AXDND1: variants seen among roughly 807,000 people sequenced by gnomAD.
The protein encoded by AXDND1 is axonemal dynein light chain domain containing 1.
A neutral mutation model predicts 137.5 loss-of-function variants in AXDND1; 110 were observed. The observed-to-expected ratio is 0.80, with a 90% confidence interval of 0.69 to 0.94. The LOEUF (loss-of-function observed/expected upper bound fraction) is 0.94, where lower values mean the gene tolerates loss of function less well. Ranked by LOEUF, AXDND1 falls within the 40% of genes least tolerant of loss-of-function variation. The probability of loss-of-function intolerance (pLI) is 0.00; values close to 1 mark genes in which losing one functional copy is unlikely to be tolerated. For missense variants in AXDND1, 1,191 were observed against 1,169.8 expected (o/e 1.02, Z -0.26); for synonymous variants, 414 against 399.7 (o/e 1.04, Z -0.43).
intron 6 of AXDND1, among the ~76,000 whole-genome samples, chr1:179,380,182 G>C (rs2125080957): frequency 6.6e-6 from 1 of 152,098 alleles, no homozygotes; most frequent in Middle Eastern, 3.4e-3. Context: ...CCAGGAGGCA[G>C]AGCTTGCAGT....
At chr1:179,506,656 G>C (rs1015658378) in intron 20 of AXDND1, among the ~76,000 whole-genome samples, 4 of 152,184 alleles carry the variant, frequency 2.6e-5, no homozygotes, top group Non-Finnish European at 5.9e-5. Context: ...TTTGAGCCTA[G>C]GAGGCGGAGG....
intron 10 of AXDND1, among the ~76,000 whole-genome samples, chr1:179,394,390 A>C (rs1450052908): frequency 1.3e-5 from 2 of 152,064 alleles, no homozygotes; most frequent in African/African-American, 4.8e-5. Context: ...GGAGTTTGAG[A>C]CCAGCCTGGC....
chr1:179,452,815 T>C (rs1660737328), intron 16 of AXDND1: 1 of 148,184 alleles, frequency 6.7e-6, no homozygotes, highest in African/African-American at 2.5e-5. Flanking sequence ...CCCGAGACCA[T>C]GGGGAAAATG....
chr1:179,479,992 C>T (rs1283662915), intron 17 of AXDND1, among the ~76,000 whole-genome samples: 1 of 152,212 alleles, frequency 6.6e-6, no homozygotes, highest in African/African-American at 2.4e-5. Context: ...ATATCATTAT[C>T]AGCATTTTGG....
At chr1:179,503,263 C>A (rs1233498242) in intron 20 of AXDND1, among the ~76,000 whole-genome samples, 1 of 151,936 alleles carries the variant, frequency 6.6e-6, no homozygotes, top group African/African-American at 2.4e-5. Context: ...TATTTTATGT[C>A]TCTCTGTATG....
chr1:179,381,727 T>C (rs1648357838), intron 6 of AXDND1, among the ~76,000 whole-genome samples: 2 of 152,184 alleles, frequency 1.3e-5, no homozygotes. Context: ...TTTTACCATA[T>C]GGAATAATGG....
intron 9 of AXDND1, among the ~76,000 whole-genome samples, chr1:179,392,818 A>T (rs1650403255): frequency 6.6e-6 from 1 of 150,910 alleles, no homozygotes; most frequent in Non-Finnish European, 1.5e-5. Flanking sequence ...TGGTGAAATT[A>T]TCTGTTTTTT....
chr1:179,404,224 C>CTT (rs71111990), intron 11 of AXDND1, among the ~76,000 whole-genome samples: 191 of 136,658 alleles, frequency 1.4e-3, no homozygotes, highest in East Asian at 2.4e-3. Context: ...TTTTCTTTGT[C>CTT]TTTTTTTTTT....
chr1:179,499,868 C>A (rs1430294683), intron 20 of AXDND1, among the ~76,000 whole-genome samples: 2 of 151,738 alleles, frequency 1.3e-5, no homozygotes, highest in Non-Finnish European at 1.5e-5. Flanking sequence ...TAAATATAAC[C>A]CAGAAGACTT....
rs571091423 is a variant in AXDND1 at position 179,456,556 on chromosome 1, C to T, written c.1798+11352C>T. 52 of 778,970 alleles carry T rather than the reference C, an allele frequency of 6.7e-5. 2 individuals are homozygous for T. Among genetic ancestry groups the T allele is most frequent in the Non-Finnish European group, 8.4e-5 (36 of 427,506 alleles). The allele number at this position is 778,970 out of a possible 1,614,324, so 48.3% of individuals were successfully genotyped here. The stretch of plus-strand genomic sequence containing the variant: ...ACACTTCCATAGCCTCTGCTTCCTC[C>T]GGAGTAACCAGGGCCACCTCCTCCA... On this transcript the variant is annotated intron_variant, in intron 16 of 25. Coordinates refer to ENST00000367618, the MANE Select transcript of AXDND1 (RefSeq NM_144696.6).
At chr1:179,530,672 G>T (rs185908604) in intron 23 of AXDND1, among the ~76,000 whole-genome samples, 44 of 152,264 alleles carry the variant, frequency 2.9e-4, no homozygotes, top group Non-Finnish European at 1.9e-4. Context: ...CTTTTGAAAA[G>T]TTGCTGCTGC....
At chr1:179,549,864 CG>C (rs1673033370) in intron 25 of AXDND1, among the ~76,000 whole-genome samples, 2 of 152,164 alleles carry the variant, frequency 1.3e-5, no homozygotes, top group South Asian at 4.2e-4. Context: ...GATCATGCCC[CG>C]GCTGGTCCAT....
chr1:179,429,443 T>A (rs1025278326), intron 12 of AXDND1, 75 bp from the exon 13 acceptor site: 23 of 704,426 alleles, frequency 3.3e-5, no homozygotes, highest in African/African-American at 5.6e-5. Flanking sequence ...AAAATCGATA[T>A]ATGAAATCAC....
In AXDND1 at chr1:179,468,520, G is replaced by T; in HGVS notation, c.1876G>T (p.Asp626Tyr). The T allele has an allele frequency of 6.2e-7, 1 of 1,613,046 alleles. No individual in the cohort carries two copies. The highest frequency in any genetic ancestry group is 1.1e-5 in the South Asian group (1 of 91,016). Residue 626 changes from aspartate (D) to tyrosine (Y), a missense_variant, in exon 17 of 26, where the codon GAT (aspartate) becomes TAT (tyrosine). Coordinates refer to ENST00000367618, the MANE Select transcript of AXDND1 (RefSeq NM_144696.6). ...CAAGTTGGAAAACCTGGAGTTTCCT[G>T]ATACGCCTCTTGAAGAATGGCAGGA... ...SFKLENLEFPDTPLEEWQEID... is the reference protein window; with the variant it reads ...SFKLENLEFPYTPLEEWQEID...
chr1:179,433,983 G>A (rs1394252488), intron 15 of AXDND1, among the ~76,000 whole-genome samples: 2 of 149,114 alleles, frequency 1.3e-5, no homozygotes, highest in African/African-American at 4.9e-5. Context: ...CTATTGTGGA[G>A]TCTAAGTCTC....
rs552512389 is a variant in AXDND1 at position 179,375,109 on chromosome 1, T to A, written c.375-3528T>A. On this transcript the variant is annotated intron_variant, in intron 4 of 25. Coordinates refer to ENST00000367618, the MANE Select transcript of AXDND1 (RefSeq NM_144696.6). ...ATATTCTTTATTAATAAAAAAAAAA[T>A]TTTTTTTAAGATGGAATCTTGCTCT... 9.5e-3 allele frequency among the ~76,000 whole-genome samples: 1,142 copies of A among 120,746 alleles called. 15 individuals carry two copies. Among genetic ancestry groups the A allele is most frequent in the African/African-American group, 0.032 (960 of 29,998 alleles). 79.2% of individuals were successfully genotyped at this position (120,746 alleles called of 152,430 possible). A position where few individuals can be genotyped will look rare whatever the true frequency, so the allele number is the denominator to read the frequency against.
At chr1:179,514,333 A>T (rs550212811) in intron 21 of AXDND1, among the ~76,000 whole-genome samples, 1 of 152,254 alleles carries the variant, frequency 6.6e-6, no homozygotes, top group Admixed American at 6.5e-5. Flanking sequence ...TGACCAAATG[A>T]TCATTCAGGA....
intron 9 of AXDND1, among the ~76,000 whole-genome samples, chr1:179,390,860 G>A (rs112245175): frequency 0.018 from 2,706 of 152,032 alleles, 68 homozygotes; most frequent in African/African-American, 0.06. Flanking sequence ...AGGCTGGAGC[G>A]CAATGGTGCA....
At chr1:179,535,444 A>G (rs1023438658) in intron 25 of AXDND1, among the ~76,000 whole-genome samples, 1 of 151,612 alleles carries the variant, frequency 6.6e-6, no homozygotes, top group African/African-American at 2.4e-5. Context: ...TCATTGTTCA[A>G]CTCCCACTTA....
Sources: gnomAD v4.1 joint callset for allele counts (sites outside exome capture counted in the v4.1 genomes callset) on GRCh38, gnomAD v4.1.1 for gene constraint, MANE v1.5 for transcripts, NCBI Gene and HGNC (gene_info 2026-07-23, HGNC 2026-07-21) for gene names.